KLHL32: variants seen among roughly 807,000 people sequenced by gnomAD.
KLHL32 encodes kelch like family member 32.
In KLHL32, 35 loss-of-function variants were observed where a neutral mutation model predicts 64.8. That is an observed-to-expected ratio of 0.54 (90% CI 0.41 to 0.72). KLHL32 has a LOEUF of 0.72. Ranked by LOEUF, KLHL32 falls within the 30% of genes least tolerant of loss-of-function variation. KLHL32 has a pLI of 0.00. For synonymous variants in KLHL32, 259 were observed against 281.0 expected, an observed-to-expected ratio of 0.92 and a Z score of 0.78; for missense variants, 589 against 768.5, an observed-to-expected ratio of 0.77 and a Z score of 2.76.
intron 5 of KLHL32, among the ~76,000 whole-genome samples, chr6:97,083,773 C>T (rs1381903636): frequency 1.3e-5 from 2 of 152,146 alleles, no homozygotes; most frequent in Non-Finnish European, 2.9e-5. Flanking sequence ...CTTTCTATAA[C>T]AGCAGTAATT....
the KLHL32 span, among the ~76,000 whole-genome samples, chr6:96,903,870 A>G: frequency 2.6e-5 from 4 of 152,254 alleles, no homozygotes; most frequent in Non-Finnish European, 4.4e-5. Flanking sequence ...TGACCAGCTC[A>G]CAAAGAACAA....
At chr6:96,978,766 G>A (rs1050557674) in intron 3 of KLHL32, among the ~76,000 whole-genome samples, 5 of 152,188 alleles carry the variant, frequency 3.3e-5, no homozygotes, top group Admixed American at 1.3e-4. Context: ...CACCAGCAGT[G>A]TATCAGCATT....
chr6:96,937,867 TA>T (rs1354520029), intron 1 of KLHL32, among the ~76,000 whole-genome samples: 1 of 152,182 alleles, frequency 6.6e-6, no homozygotes. Flanking sequence ...CTCTTCTTTC[TA>T]AAAACTTCTG....
rs188820077 is a variant in KLHL32 at position 97,052,883 on chromosome 6, G to A, written c.312+11284G>A. 4.0e-3 allele frequency among the ~76,000 whole-genome samples: 606 copies of A among 152,294 alleles called. 3 individuals carry two copies. The highest frequency in any genetic ancestry group is 0.01 in the Middle Eastern group (3 of 294). ...TAAACTTCTGATGGTATTATTAGAA[G>A]TATTATCAAGCAAATCATTCAATAA... On this transcript the variant is annotated intron_variant, in intron 4 of 10. Coordinates refer to ENST00000369261, the MANE Select transcript of KLHL32 (RefSeq NM_052904.4).
At chr6:97,053,943 CTTTCT>C (rs988026920) in intron 4 of KLHL32, among the ~76,000 whole-genome samples, 20 of 152,118 alleles carry the variant, frequency 1.3e-4, no homozygotes, top group African/African-American at 4.1e-4. Context: ...ATCTTATTTT[CTTTCT>C]TTTCTTTCAC....
intron 3 of KLHL32, among the ~76,000 whole-genome samples, chr6:97,023,066 A>G (rs970329961): frequency 5.9e-5 from 9 of 152,220 alleles, no homozygotes; most frequent in African/African-American, 2.2e-4. Flanking sequence ...AACCGTCTCC[A>G]CAATCCAATC....
chr6:97,124,431 T>C (rs1452528115), intron 7 of KLHL32, among the ~76,000 whole-genome samples: 2 of 152,204 alleles, frequency 1.3e-5, no homozygotes, highest in Non-Finnish European at 2.9e-5. Flanking sequence ...TATAGATGCA[T>C]TTGTGGAAGA....
chr6:96,924,399 G>A (rs1768880370), upstream of KLHL32, among the ~76,000 whole-genome samples: 1 of 151,238 alleles, frequency 6.6e-6, no homozygotes, highest in South Asian at 2.1e-4. Context: ...GCCGGAGAGC[G>A]AGGAGGAGGG....
intron 6 of KLHL32, among the ~76,000 whole-genome samples, chr6:97,093,769 C>T (rs927631705): frequency 2.0e-5 from 3 of 152,098 alleles, no homozygotes; most frequent in African/African-American, 7.2e-5. Flanking sequence ...AGGGAGGGAA[C>T]CATCTTTTAT....
intron 4 of KLHL32, among the ~76,000 whole-genome samples, chr6:97,049,734 A>G (rs7742032): frequency 0.073 from 11,129 of 152,240 alleles, 885 homozygotes; most frequent in Admixed American, 0.22. Context: ...GAATTTCATC[A>G]GTTACTTTTT....
chr6:96,985,127 A>G lies in KLHL32; in HGVS notation c.204+8950A>G, dbSNP rs867422333. Among the ~76,000 whole-genome samples the G allele has an allele frequency of 1.5e-4, 23 of 152,248 alleles. No homozygotes were observed. The South Asian group carries it at 3.1e-3, about 21-fold the overall frequency. ...AACAGATTTTATTTCTCCTTCACTT[A>G]TGAAGCTTAGTTTGGCTGGATATGA... is the stretch of plus-strand genomic sequence containing the variant. On this transcript the variant is annotated intron_variant, in intron 3 of 10. Coordinates refer to ENST00000369261, the MANE Select transcript of KLHL32 (RefSeq NM_052904.4).
chr6:97,103,830 C>T (rs1431966155), intron 6 of KLHL32, among the ~76,000 whole-genome samples: 1 of 152,194 alleles, frequency 6.6e-6, no homozygotes, highest in Non-Finnish European at 1.5e-5. Context: ...GCTACAGAAA[C>T]CTGTGACTTG....
chr6:97,103,327 C>T (rs1795978564), intron 6 of KLHL32, among the ~76,000 whole-genome samples: 1 of 151,730 alleles, frequency 6.6e-6, no homozygotes, highest in African/African-American at 2.4e-5. Context: ...GATTCTCCTG[C>T]CTCAGCCTCC....
intron 1 of KLHL32, among the ~76,000 whole-genome samples, chr6:96,926,666 C>T (rs1052568629): frequency 3.3e-5 from 5 of 152,094 alleles, no homozygotes; most frequent in Admixed American, 6.6e-5. Context: ...AGACAAGACA[C>T]GTGGGAGAGA....
chr6:96,934,255 G>T (rs151243415), intron 1 of KLHL32, among the ~76,000 whole-genome samples: 46 of 152,294 alleles, frequency 3.0e-4, no homozygotes, highest in African/African-American at 1.0e-3. Flanking sequence ...TACTTACTGT[G>T]TGAGAATCTG....
intron 5 of KLHL32, among the ~76,000 whole-genome samples, chr6:97,081,337 G>C (rs1335545063): frequency 6.6e-6 from 1 of 152,074 alleles, no homozygotes; most frequent in Non-Finnish European, 1.5e-5. Flanking sequence ...TGGGGACAGA[G>C]GACTATTGCC....
At chr6:96,919,049 C>T in the KLHL32 span, among the ~76,000 whole-genome samples, 2 of 152,124 alleles carry the variant, frequency 1.3e-5, no homozygotes, top group African/African-American at 2.4e-5. Context: ...TTCTCCCTGT[C>T]TCAGCACAGT....
chr6:97,135,327 A>AGAGT (rs1350483852), intron 10 of KLHL32, among the ~76,000 whole-genome samples: 1 of 67,820 alleles, frequency 1.5e-5, no homozygotes, highest in East Asian at 3.2e-4. Context: ...TTTTTTCCTG[A>AGAGT]GAGTGTCTTG....
chr6:96,986,145 C>G (rs1389322078), intron 3 of KLHL32, among the ~76,000 whole-genome samples: 8 of 152,108 alleles, frequency 5.3e-5, no homozygotes, highest in Non-Finnish European at 1.2e-4. Context: ...CACTCCAGAC[C>G]CTGTTTGCCT....
Sources: gnomAD v4.1 joint callset for allele counts (sites outside exome capture counted in the v4.1 genomes callset) on GRCh38, gnomAD v4.1.1 for gene constraint, MANE v1.5 for transcripts, NCBI Gene and HGNC (gene_info 2026-07-23, HGNC 2026-07-21) for gene names.